The following MBNL2 variants were observed in gnomAD, a reference collection of about 807,000 sequenced individuals.
The protein encoded by MBNL2 is muscleblind-like protein 2.
A neutral mutation model predicts 41.9 loss-of-function variants in MBNL2; 17 were observed. The ratio of observed to expected loss-of-function variants is 0.41; its 90% CI spans 0.28 to 0.61. The LOEUF (loss-of-function observed/expected upper bound fraction) is 0.61. MBNL2 is among the 20% of genes least tolerant of loss of function. MBNL2 has a pLI of 0.35. For missense variants in MBNL2, 336 were observed against 505.6 expected, an observed-to-expected ratio of 0.66 and a Z score of 3.22; for synonymous variants, 195 against 182.9, an observed-to-expected ratio of 1.07 and a Z score of -0.53.
intron 7 of MBNL2, among the ~76,000 whole-genome samples, chr13:97,359,615 C>G (rs1046538483): frequency 2.6e-5 from 4 of 152,194 alleles, no homozygotes; most frequent in South Asian, 2.1e-4. Flanking sequence ...AGGACCCATA[C>G]GGCTACATTG....
chr13:97,161,691 A>G, the MBNL2 span, among the ~76,000 whole-genome samples: 5 of 152,234 alleles, frequency 3.3e-5, no homozygotes, highest in Non-Finnish European at 4.4e-5. Flanking sequence ...CATGAATTAT[A>G]TCATCACACT....
chr13:97,287,716 CTTTTCTTTTT>C (rs1215803213), intron 2 of MBNL2, among the ~76,000 whole-genome samples: 84 of 133,940 alleles, frequency 6.3e-4, no homozygotes, highest in African/African-American at 2.4e-3. Flanking sequence ...CTTTTCTTTT[CTTTTCTTTTT>C]TTTTTTTTTT....
At chr13:97,232,400 A>G (rs2042507330) in intron 1 of MBNL2, among the ~76,000 whole-genome samples, 1 of 152,206 alleles carries the variant, frequency 6.6e-6, no homozygotes, top group Non-Finnish European at 1.5e-5. Flanking sequence ...ATGAAACAGA[A>G]CTAACATTTA....
At chr13:97,191,364 C>A in the MBNL2 span, among the ~76,000 whole-genome samples, 1 of 149,612 alleles carries the variant, frequency 6.7e-6, no homozygotes, top group Non-Finnish European at 1.5e-5. Context: ...ACTAGATGAA[C>A]TCTGGCCTTG....
intron 8 of MBNL2, among the ~76,000 whole-genome samples, chr13:97,371,453 C>A (rs1406790298): frequency 6.6e-6 from 1 of 152,096 alleles, no homozygotes; most frequent in Non-Finnish European, 1.5e-5. Context: ...GGGGAAGTAT[C>A]AAGTTCAGCT....
intron 8 of MBNL2, among the ~76,000 whole-genome samples, chr13:97,389,321 G>A (rs2153172159): frequency 6.6e-6 from 1 of 152,240 alleles, no homozygotes; most frequent in Admixed American, 6.5e-5. Context: ...TTTTCCAGAT[G>A]GTTAGGAATT....
intron 1 of MBNL2, among the ~76,000 whole-genome samples, chr13:97,261,907 C>G (rs1467893496): frequency 6.6e-6 from 1 of 152,204 alleles, no homozygotes; most frequent in Non-Finnish European, 1.5e-5. Context: ...GCCACCCTGT[C>G]CTTCCCCCTT....
At chr13:97,256,094 AAGG>A (rs2047464609) in intron 1 of MBNL2, among the ~76,000 whole-genome samples, 2 of 152,206 alleles carry the variant, frequency 1.3e-5, no homozygotes, top group Non-Finnish European at 2.9e-5. Context: ...CCATATTTAA[AAGG>A]AGATAAAAGA....
chr13:97,365,901 C>T (rs1232341327), intron 8 of MBNL2, among the ~76,000 whole-genome samples: 2 of 152,114 alleles, frequency 1.3e-5, no homozygotes, highest in Non-Finnish European at 2.9e-5. Context: ...GATGTTTGCT[C>T]CATCATTTAT....
chr13:97,200,321 C>T, the MBNL2 span, among the ~76,000 whole-genome samples: 1 of 152,200 alleles, frequency 6.6e-6, no homozygotes, highest in African/African-American at 2.4e-5. Flanking sequence ...CAATCCACCA[C>T]AGTGCCTGGG....
intron 1 of MBNL2, among the ~76,000 whole-genome samples, chr13:97,230,179 T>C (rs1390663265): frequency 6.6e-6 from 1 of 152,178 alleles, no homozygotes; most frequent in Non-Finnish European, 1.5e-5. Flanking sequence ...ATGCCTGTGA[T>C]CCCAGCTACT....
Position 97,334,173 on chromosome 13 carries a change from CA to C in MBNL2, c.175-102del. The stretch of plus-strand genomic sequence containing the variant: ...CCACACACACACACACACACACACA[CA>C]CAGGATCCTTGCTTTTGTGCATAAG... On this transcript the variant is annotated intron_variant, in intron 2 of 8. Transcript: ENST00000679496. This position sits in a 1 kb window ranked among gnomAD's most constrained non-coding sequence, Gnocchi z 5.3. The C allele has an allele frequency of 3.4e-6, 3 of 879,590 alleles. No homozygotes were observed. Among genetic ancestry groups the C allele is most frequent in the Non-Finnish European group, 3.6e-6 (2 of 561,928 alleles). The allele number at this position is 879,590 out of a possible 1,614,324, so 54.5% of individuals were successfully genotyped here.
chr13:97,334,721 C>T lies in MBNL2; in HGVS notation c.339+281C>T, dbSNP rs530644092. ...ACTCTCTATCTCAGCCATCTTAGAA[C>T]GGAAATAGTTTTAACATGTTCATTT... is the stretch of plus-strand genomic sequence containing the variant. On this transcript the variant is annotated intron_variant, in intron 3 of 8. Transcript: ENST00000679496. This position sits in a 1 kb window ranked among gnomAD's most constrained non-coding sequence, Gnocchi z 5.3. Among the ~76,000 whole-genome samples the T allele has an allele frequency of 1.1e-4, 17 of 152,218 alleles. No individual in the cohort carries two copies. The highest frequency in any genetic ancestry group is 1.9e-4 in the East Asian group (1 of 5,190).
the MBNL2 span, among the ~76,000 whole-genome samples, chr13:97,202,480 G>A: frequency 6.6e-6 from 1 of 152,060 alleles, no homozygotes; most frequent in African/African-American, 2.4e-5. Context: ...AATAATACAC[G>A]TAAGTCCCTT....
At chr13:97,324,130 A>G (rs113358819) in intron 2 of MBNL2, among the ~76,000 whole-genome samples, 1 of 152,110 alleles carries the variant, frequency 6.6e-6, no homozygotes, top group African/African-American at 2.4e-5. Context: ...TCTGATAAAT[A>G]TCTTAGCTTA....
rs10606011 is a variant in MBNL2 at position 97,278,251 on chromosome 13, C to CAAAAAAAAAAAAA, written c.174+1856_174+1868dup. Among the ~76,000 whole-genome samples the CAAAAAAAAAAAAA allele has an allele frequency of 4.9e-5, 2 of 40,530 alleles. 1 individual carries two copies. Among genetic ancestry groups the CAAAAAAAAAAAAA allele is most frequent in the African/African-American group, 2.3e-4 (2 of 8,834 alleles). 26.6% of individuals were successfully genotyped at this position (40,530 alleles called of 152,430 possible). A position where few individuals can be genotyped will look rare whatever the true frequency, so the allele number is the denominator to read the frequency against. On this transcript the variant is annotated intron_variant, in intron 2 of 8. Coordinates refer to ENST00000679496, the MANE Select transcript of MBNL2 (RefSeq NM_001382683.1). Reference sequence around the variant, plus strand: ...CCTGGGTGATAGAGTGAGACTGTCTCAAAAAAAAAAAAAAAAAAAAAAAAA... The same window carrying CAAAAAAAAAAAAA: ...CCTGGGTGATAGAGTGAGACTGTCTCAAAAAAAAAAAAAAAAAAAAAAAAAAAAAAAAAAAAAA...
chr13:97,241,547 G>A (rs1382890314), intron 1 of MBNL2, among the ~76,000 whole-genome samples: 1 of 152,168 alleles, frequency 6.6e-6, no homozygotes, highest in African/African-American at 2.4e-5. Context: ...ATTTTCAAAA[G>A]GCTTAGTCCT....
chr13:97,258,959 A>G (rs1014783889), intron 1 of MBNL2, among the ~76,000 whole-genome samples: 2 of 152,124 alleles, frequency 1.3e-5, no homozygotes, highest in African/African-American at 4.8e-5. Context: ...TGACTTCGAG[A>G]TATGTTAACC....
intron 8 of MBNL2, among the ~76,000 whole-genome samples, chr13:97,385,861 C>A (rs2065881760): frequency 6.6e-6 from 1 of 152,210 alleles, no homozygotes; most frequent in African/African-American, 2.4e-5. Context: ...GTTCATGGTG[C>A]TGATTAGTTC....
Sources: gnomAD v4.1 joint callset for allele counts (sites outside exome capture counted in the v4.1 genomes callset) on GRCh38, gnomAD v4.1.1 for gene constraint, Gnocchi (gnomAD v3.1) non-coding constraint, MANE v1.5 for transcripts, NCBI Gene and HGNC (gene_info 2026-07-23, HGNC 2026-07-21) for gene names.